Variants in MAP3K5 observed in about 807,000 individuals in gnomAD.
MAP3K5 encodes mitogen-activated protein kinase kinase kinase 5.
Under a neutral mutation model 158.7 loss-of-function variants are expected in MAP3K5, and 56 were observed. That is an observed-to-expected ratio of 0.35 (90% CI 0.28 to 0.44). The LOEUF (loss-of-function observed/expected upper bound fraction) is 0.44, where lower values mean the gene tolerates loss of function less well. Ranked by LOEUF, MAP3K5 falls within the 20% of genes least tolerant of loss-of-function variation. MAP3K5 has a pLI of 1.00. For synonymous variants in MAP3K5, 579 were observed against 601.7 expected, an observed-to-expected ratio of 0.96 and a Z score of 0.55; for missense variants, 1,294 against 1,674.8, an observed-to-expected ratio of 0.77 and a Z score of 3.97.
intron 7 of MAP3K5, among the ~76,000 whole-genome samples, chr6:136,681,333 T>C (rs1279412131): frequency 2.6e-5 from 4 of 152,170 alleles, no homozygotes; most frequent in East Asian, 1.9e-4. Context: ...TACAGAGACA[T>C]AGTAAATACT....
intron 11 of MAP3K5, among the ~76,000 whole-genome samples, chr6:136,646,668 T>G (rs1272343402): frequency 1.3e-5 from 2 of 152,210 alleles, no homozygotes; most frequent in African/African-American, 4.8e-5. Flanking sequence ...CCTGCTCTCG[T>G]CTCCATAATG....
At chr6:136,586,598 G>A (rs1433367195) in intron 23 of MAP3K5, among the ~76,000 whole-genome samples, 1 of 152,148 alleles carries the variant, frequency 6.6e-6, no homozygotes, top group Non-Finnish European at 1.5e-5. Flanking sequence ...TAGATTTAAC[G>A]GTATGCATTT....
intron 15 of MAP3K5, among the ~76,000 whole-genome samples, chr6:136,622,401 G>A (rs1776845902): frequency 6.6e-6 from 1 of 152,048 alleles, no homozygotes; most frequent in Admixed American, 6.6e-5. Context: ...CAATTTCAGG[G>A]GCAGCTGCCT....
At chr6:136,740,149 A>T (rs368792437) in intron 1 of MAP3K5, among the ~76,000 whole-genome samples, 1 of 152,226 alleles carries the variant, frequency 6.6e-6, no homozygotes, top group African/African-American at 2.4e-5. Context: ...GACAGCTTTT[A>T]AACTCCAGCC....
chr6:136,747,930 G>A (rs1288886071), intron 1 of MAP3K5, among the ~76,000 whole-genome samples: 1 of 152,088 alleles, frequency 6.6e-6, no homozygotes, highest in African/African-American at 2.4e-5. Flanking sequence ...AGCCAACAGG[G>A]AAAATATTGC....
intron 1 of MAP3K5, among the ~76,000 whole-genome samples, chr6:136,726,921 A>G (rs1781994150): frequency 6.6e-6 from 1 of 152,110 alleles, no homozygotes; most frequent in African/African-American, 2.4e-5. Context: ...GTAATCTGCA[A>G]CTAGAAGGGA....
chr6:136,658,376 G>A (rs1426931288), intron 9 of MAP3K5, among the ~76,000 whole-genome samples: 1 of 133,226 alleles, frequency 7.5e-6, no homozygotes, highest in Admixed American at 8.9e-5. Flanking sequence ...ATGCAGTGGC[G>A]CAATCTTGGC....
At chr6:136,693,232 G>A (rs1252652788) in intron 7 of MAP3K5, among the ~76,000 whole-genome samples, 1 of 152,066 alleles carries the variant, frequency 6.6e-6, no homozygotes, top group East Asian at 1.9e-4. Context: ...GTATATCTTA[G>A]TCTGTTCCAG....
intron 1 of MAP3K5, among the ~76,000 whole-genome samples, chr6:136,736,675 C>T (rs560773044): frequency 5.3e-5 from 8 of 152,018 alleles, no homozygotes; most frequent in South Asian, 4.2e-4. Context: ...TAAAGGAATT[C>T]GCATACTCTA....
chr6:136,757,917 A>C (rs7739002), intron 1 of MAP3K5, among the ~76,000 whole-genome samples: 137,955 of 152,206 alleles, frequency 0.91, 62,700 homozygotes, highest in African/African-American at 0.97. Context: ...TCTTTTCATA[A>C]CTGAAATATC....
At chr6:136,752,995 G>A (rs1378514991) in intron 1 of MAP3K5, among the ~76,000 whole-genome samples, 2 of 152,030 alleles carry the variant, frequency 1.3e-5, no homozygotes, top group African/African-American at 4.8e-5. Context: ...CATAGTTCTT[G>A]CCCACATGCC....
intron 10 of MAP3K5, among the ~76,000 whole-genome samples, chr6:136,655,285 C>T (rs1778693339): frequency 6.6e-6 from 1 of 152,188 alleles, no homozygotes; most frequent in Non-Finnish European, 1.5e-5. Context: ...TACAGGCAAG[C>T]TGCCAGCTCA....
chr6:136,643,560 T>C (rs1008108649), intron 11 of MAP3K5, among the ~76,000 whole-genome samples: 2 of 152,208 alleles, frequency 1.3e-5, no homozygotes, highest in East Asian at 1.9e-4. Flanking sequence ...AGAACCCTCC[T>C]TTTGGCTAAA....
chr6:136,775,631 G>A (rs1270806742), intron 1 of MAP3K5, among the ~76,000 whole-genome samples: 1 of 152,174 alleles, frequency 6.6e-6, no homozygotes, highest in African/African-American at 2.4e-5. Context: ...TGTGAAAACA[G>A]AAAAATCATG....
chr6:136,719,662 T>C (rs1781669919), intron 2 of MAP3K5, among the ~76,000 whole-genome samples: 1 of 152,184 alleles, frequency 6.6e-6, no homozygotes, highest in African/African-American at 2.4e-5. Flanking sequence ...ATTAGTAATA[T>C]GGTTAAGGAT....
intron 2 of MAP3K5, among the ~76,000 whole-genome samples, chr6:136,714,887 T>A (rs1007327972): frequency 1.3e-5 from 2 of 152,148 alleles, no homozygotes; most frequent in African/African-American, 4.8e-5. Flanking sequence ...TAGAAAATAA[T>A]AGATGCACTG....
intron 7 of MAP3K5, among the ~76,000 whole-genome samples, chr6:136,678,228 GCTTGTATTGCTTTTATATTAAGGATAAAA>G (rs1779787323): frequency 1.3e-5 from 2 of 152,020 alleles, no homozygotes; most frequent in Admixed American, 6.6e-5. Context: ...TAAGGATAAA[GCTTGTATTGCTTTTATATTAAGGATAAAA>G]CTTGTATTCT....
At chr6:136,597,397 ATC>A (rs1775683245) in intron 21 of MAP3K5, among the ~76,000 whole-genome samples, 2 of 150,316 alleles carry the variant, frequency 1.3e-5, no homozygotes, top group Non-Finnish European at 3.0e-5. Flanking sequence ...GTGGCCTCAG[ATC>A]CTAACAGCTA....
chr6:136,674,991 G>A (rs1270812064), intron 7 of MAP3K5, among the ~76,000 whole-genome samples: 3 of 151,924 alleles, frequency 2.0e-5, no homozygotes, highest in African/African-American at 7.2e-5. Flanking sequence ...TAGGTTGAAA[G>A]TGAAATGATG....
Sources: allele counts gnomAD v4.1 joint callset (sites outside exome capture counted in the v4.1 genomes callset), GRCh38; gene constraint gnomAD v4.1.1; transcripts MANE v1.5; gene names NCBI Gene and HGNC (gene_info 2026-07-23, HGNC 2026-07-21).